The following STX8 variants were observed in gnomAD, a reference collection of about 807,000 sequenced individuals.
STX8 encodes syntaxin-8.
A neutral mutation model predicts 37.5 loss-of-function variants in STX8; 23 were observed. The observed-to-expected ratio is 0.61, with a 90% CI of 0.44 to 0.87. The LOEUF is 0.87. Among genes scored for constraint, STX8 ranks in the 40% least tolerant of loss-of-function variants. STX8 has a pLI of 0.00. For synonymous variants in STX8, 115 were observed against 99.1 expected (o/e 1.16, Z -0.95); for missense variants, 313 against 284.7 (o/e 1.10, Z -0.71).
At chr17:9,535,424 C>CCTTTTTT (rs1905992804) in intron 4 of STX8, among the ~76,000 whole-genome samples, 1 of 51,550 alleles carries the variant, frequency 1.9e-5, no homozygotes, top group African/African-American at 7.4e-5. Flanking sequence ...AGCCATCCTA[C>CCTTTTTT]TTTTTTTTTT....
rs997709533 is a variant in STX8, at chr17:9,420,920, G to A, written c.542-42267C>T. Among the ~76,000 whole-genome samples the A allele has an allele frequency of 3.3e-5, 5 of 152,256 alleles. 1 individual carries two copies. The East Asian group carries it at 7.7e-4, about 24-fold the overall frequency. On this transcript the variant is annotated intron_variant, in intron 6 of 7. Transcript: ENST00000306357. ...CGTGCATGTGCCTTTAAGTACATTA[G>A]GGGGTGGAAATGGAGATGAGTCCCA...
At chr17:9,288,231 AAGAAC>A (rs1908163070) in intron 7 of STX8, among the ~76,000 whole-genome samples, 1 of 151,842 alleles carries the variant, frequency 6.6e-6, no homozygotes, top group African/African-American at 2.4e-5. Flanking sequence ...ATACAACGCA[AAGAAC>A]AGAAGAAAAT....
At chr17:9,299,337 A>G (rs1908680241) in intron 7 of STX8, among the ~76,000 whole-genome samples, 1 of 151,934 alleles carries the variant, frequency 6.6e-6, no homozygotes, top group African/African-American at 2.4e-5. Flanking sequence ...CTGTGTCTGC[A>G]TGTCATTTCC....
At position 9,331,576 on chromosome 17, in the gene STX8, C is replaced by G. The variant is rs1023942121; in HGVS notation, c.643+46976G>C. ...GGTGTCCTGCAGGGAAAATGATGTT[C>G]AAAAATAAAAGTGCGTTTTTGTTGG... is the stretch of plus-strand genomic sequence containing the variant. On this transcript the variant is annotated intron_variant, in intron 7 of 7. Transcript: ENST00000306357. Among the ~76,000 whole-genome samples the G allele has an allele frequency of 4.6e-5, 7 of 152,086 alleles. 1 individual carries two copies. Among genetic ancestry groups the G allele is most frequent in the Admixed American group, 3.9e-4 (6 of 15,252 alleles).
At chr17:9,280,494 A>G (rs1907844300) in intron 7 of STX8, among the ~76,000 whole-genome samples, 1 of 152,256 alleles carries the variant, frequency 6.6e-6, no homozygotes, top group African/African-American at 2.4e-5. Context: ...CTGAGGTTGC[A>G]GTGAGCCAAG....
At chr17:9,506,158 C>T (rs1347465068) in intron 4 of STX8, among the ~76,000 whole-genome samples, 1 of 152,004 alleles carries the variant, frequency 6.6e-6, no homozygotes, top group Non-Finnish European at 1.5e-5. Context: ...ACATGATTTC[C>T]ACCTCAGTCC....
At chr17:9,298,734 A>G (rs1424982986) in intron 7 of STX8, among the ~76,000 whole-genome samples, 1 of 151,906 alleles carries the variant, frequency 6.6e-6, no homozygotes, top group African/African-American at 2.4e-5. Flanking sequence ...ATTGCTTGAA[A>G]CCAGAAGGCG....
chr17:9,301,732 G>A (rs1908796023), intron 7 of STX8, among the ~76,000 whole-genome samples: 1 of 151,376 alleles, frequency 6.6e-6, no homozygotes, highest in Non-Finnish European at 1.5e-5. Flanking sequence ...CTCGTGATCC[G>A]TCCGTCTCGG....
chr17:9,312,769 G>C (rs1167284846), intron 7 of STX8, among the ~76,000 whole-genome samples: 3 of 152,144 alleles, frequency 2.0e-5, no homozygotes, highest in African/African-American at 7.2e-5. Context: ...GTTAGAGGTA[G>C]AACAGTTCCA....
At chr17:9,280,001 A>G (rs4791826) in intron 7 of STX8, among the ~76,000 whole-genome samples, 79,418 of 152,064 alleles carry the variant, frequency 0.52, 21,207 homozygotes, top group Non-Finnish European at 0.57. Context: ...TCGGTGGATC[A>G]CTTGAGCCCA....
chr17:9,366,574 C>T (rs535582611), intron 7 of STX8, among the ~76,000 whole-genome samples: 1 of 152,270 alleles, frequency 6.6e-6, no homozygotes, highest in African/African-American at 2.4e-5. Flanking sequence ...CTCGGGCCCA[C>T]GCTTCACCAC....
chr17:9,291,908 T>C (rs950460487), intron 7 of STX8, among the ~76,000 whole-genome samples: 1 of 152,250 alleles, frequency 6.6e-6, no homozygotes, highest in African/African-American at 2.4e-5. Context: ...TCTGTGAACG[T>C]ATTCATTTAT....
intron 6 of STX8, among the ~76,000 whole-genome samples, chr17:9,439,745 C>T (rs970138809): frequency 2.6e-5 from 4 of 151,950 alleles, no homozygotes; most frequent in South Asian, 4.2e-4. Flanking sequence ...CTGCCTGCCT[C>T]GGCCTCTCAA....
Position 9,330,727 on chromosome 17 carries a change from A to G in STX8, c.643+47825T>C, listed in dbSNP as rs1249007959. On this transcript the variant is annotated intron_variant, in intron 7 of 7. Transcript: ENST00000306357. ...CTCCTGCCTCCAGTTTGGCAACACA[A>G]CACAAAGGCGGTATGGCTTGTATAC... is the stretch of plus-strand genomic sequence containing the variant. 1.3e-5 allele frequency among the ~76,000 whole-genome samples: 2 copies of G among 152,212 alleles called. 1 individual carries two copies. Among genetic ancestry groups the G allele is most frequent in the African/African-American group, 4.8e-5 (2 of 41,450 alleles).
chr17:9,441,578 G>A (rs1904654692), intron 6 of STX8, among the ~76,000 whole-genome samples: 1 of 151,096 alleles, frequency 6.6e-6, no homozygotes, highest in African/African-American at 2.4e-5. Context: ...TTTTCTGACT[G>A]CTACTTCACA....
intron 7 of STX8, among the ~76,000 whole-genome samples, chr17:9,371,952 C>T (rs990825212): frequency 6.6e-5 from 10 of 152,060 alleles, no homozygotes; most frequent in South Asian, 2.1e-4. Flanking sequence ...GTGCTGTTTC[C>T]GGGTATGCTA....
chr17:9,320,269 G>A (rs1215475195), intron 7 of STX8, among the ~76,000 whole-genome samples: 1 of 150,020 alleles, frequency 6.7e-6, no homozygotes, highest in African/African-American at 2.5e-5. Context: ...GGAGGTGGAG[G>A]TTACAGTGAG....
chr17:9,410,798 TC>T (rs1912952536), intron 6 of STX8, among the ~76,000 whole-genome samples: 1 of 152,216 alleles, frequency 6.6e-6, no homozygotes, highest in African/African-American at 2.4e-5. Context: ...TACATTTTTT[TC>T]CTAAAATGTT....
intron 5 of STX8, among the ~76,000 whole-genome samples, chr17:9,502,249 G>A (rs1904643226): frequency 6.6e-6 from 1 of 152,142 alleles, no homozygotes; most frequent in Non-Finnish European, 1.5e-5. Context: ...TGCAGAATCT[G>A]AAAAAGATGA....
Sources: gnomAD v4.1 joint callset for allele counts (sites outside exome capture counted in the v4.1 genomes callset) on GRCh38, gnomAD v4.1.1 for gene constraint, MANE v1.5 for transcripts, NCBI Gene and HGNC (gene_info 2026-07-23, HGNC 2026-07-21) for gene names.